PAX5: variants seen among roughly 807,000 people sequenced by gnomAD.
PAX5 encodes the protein paired box protein Pax-5.
In PAX5, 9 loss-of-function variants were observed where a neutral mutation model predicts 43.7. That is an observed-to-expected ratio of 0.21 (90% CI 0.12 to 0.36). The LOEUF is 0.36. Ranked by LOEUF, PAX5 falls within the 10% of genes least tolerant of loss-of-function variation. The pLI is 1.00. For synonymous variants in PAX5, 228 were observed against 214.3 expected, an observed-to-expected ratio of 1.06 and a Z score of -0.56; for missense variants, 383 against 532.7, an observed-to-expected ratio of 0.72 and a Z score of 2.77.
At chr9:36,948,708 C>A (rs1049706284) in intron 6 of PAX5, among the ~76,000 whole-genome samples, 7 of 152,140 alleles carry the variant, frequency 4.6e-5, no homozygotes, top group African/African-American at 1.7e-4. Context: ...CTCCCCAGTG[C>A]AAATGCCCCA....
At chr9:36,971,424 G>A (rs10116048) in intron 5 of PAX5, among the ~76,000 whole-genome samples, 1,613 of 152,280 alleles carry the variant, frequency 0.011, 24 homozygotes, top group African/African-American at 0.035. Context: ...GTAAGCTTCC[G>A]TAGCATTTCT....
intron 6 of PAX5, among the ~76,000 whole-genome samples, chr9:36,930,685 A>G (rs1233908484): frequency 6.6e-6 from 1 of 152,158 alleles, no homozygotes; most frequent in Non-Finnish European, 1.5e-5. Context: ...TCTCATTTTC[A>G]CCATGAGTAA....
intron 7 of PAX5, among the ~76,000 whole-genome samples, chr9:36,919,245 C>T (rs936829908): frequency 6.6e-6 from 1 of 152,008 alleles, no homozygotes; most frequent in Admixed American, 6.6e-5. Context: ...ACCATTGAGA[C>T]CTACTGCTCA....
intron 8 of PAX5, among the ~76,000 whole-genome samples, chr9:36,853,478 G>A (rs568061824): frequency 2.2e-4 from 33 of 152,242 alleles, no homozygotes; most frequent in African/African-American, 7.9e-4. Context: ...TCTGAGGTTA[G>A]CACTGACAGC....
intron 1 of PAX5, chr9:37,026,870 T>C (rs961528505): frequency 2.0e-5 from 6 of 294,552 alleles, no homozygotes; most frequent in Admixed American, 1.3e-4. Context: ...CCGGGGTAGC[T>C]GCGGCCAAGG....
intron 8 of PAX5, among the ~76,000 whole-genome samples, chr9:36,848,027 G>A (rs1462335304): frequency 6.6e-6 from 1 of 152,158 alleles, no homozygotes; most frequent in Non-Finnish European, 1.5e-5. Flanking sequence ...GGCTGCTGCT[G>A]GGTACAGAGC....
intron 8 of PAX5, among the ~76,000 whole-genome samples, chr9:36,865,398 C>T (rs559147771): frequency 4.6e-5 from 7 of 152,282 alleles, no homozygotes; most frequent in Non-Finnish European, 1.0e-4. Flanking sequence ...GTAGCATGGG[C>T]GATTCTCCTA....
chr9:36,956,034 G>A (rs12351115), intron 6 of PAX5, among the ~76,000 whole-genome samples: 15,922 of 152,180 alleles, frequency 0.1, 1,083 homozygotes, highest in African/African-American at 0.19. Context: ...CAAACAAGGT[G>A]TAAGACCAAA....
intron 8 of PAX5, among the ~76,000 whole-genome samples, chr9:36,864,832 G>A (rs935224680): frequency 5.9e-5 from 9 of 152,178 alleles, no homozygotes; most frequent in Non-Finnish European, 7.3e-5. Context: ...GTGGGCCGGC[G>A]CCGGAGCCGG....
chr9:37,020,940 C>T lies in PAX5; in HGVS notation c.47-139G>A, dbSNP rs1839798669. On this transcript the variant is annotated intron_variant, in intron 1 of 9. Coordinates refer to ENST00000358127, the MANE Select transcript of PAX5 (RefSeq NM_016734.3). The stretch of plus-strand genomic sequence containing the variant: ...GGATGTCTCGCGCCTGGAGTCCAAT[C>T]GTGCAAACTACACGAAGTCCCCAGA... The T allele has an allele frequency of 1.3e-5, 10 of 778,966 alleles. No homozygotes were observed. In the South Asian group the frequency reaches 1.5e-4, roughly 12 times the overall value. The allele number at this position is 778,966 out of a possible 1,614,324, so 48.3% of individuals were successfully genotyped here. A position where few individuals can be genotyped will look rare whatever the true frequency, so the allele number is the denominator to read the frequency against.
intron 6 of PAX5, among the ~76,000 whole-genome samples, chr9:36,939,775 G>A (rs74509465): frequency 6.6e-6 from 1 of 152,068 alleles, no homozygotes; most frequent in Non-Finnish European, 1.5e-5. Context: ...CAAAAAAAAA[G>A]AGGGAGAGAG....
chr9:36,864,822 G>A (rs774299790), intron 8 of PAX5, among the ~76,000 whole-genome samples: 7 of 152,226 alleles, frequency 4.6e-5, no homozygotes, highest in Non-Finnish European at 8.8e-5. Context: ...AGTGAGGAGG[G>A]TGGGCCGGCG....
intron 5 of PAX5, among the ~76,000 whole-genome samples, chr9:36,970,496 A>C (rs1834843585): frequency 6.6e-6 from 1 of 152,094 alleles, no homozygotes. Context: ...CTGGGGAAAC[A>C]TGTGCCCTCC....
At chr9:36,920,656 G>A (rs1283416598) in intron 7 of PAX5, among the ~76,000 whole-genome samples, 1 of 152,038 alleles carries the variant, frequency 6.6e-6, no homozygotes, top group Admixed American at 6.6e-5. Context: ...TGGAATATTG[G>A]CTTTATATTT....
intron 1 of PAX5, among the ~76,000 whole-genome samples, chr9:37,030,485 C>G (rs1418001232): frequency 2.0e-5 from 3 of 152,234 alleles, no homozygotes; most frequent in African/African-American, 7.2e-5. Flanking sequence ...ACTAGCAGCT[C>G]TCACCGCGGC....
At chr9:36,847,061 A>C (rs142733008) in intron 8 of PAX5, 132 bp from the exon 9 acceptor site, 1 of 624,944 alleles carries the variant, frequency 1.6e-6, no homozygotes, top group East Asian at 2.8e-5. Flanking sequence ...TTTTGTAACC[A>C]ACAAAAGCAA....
chr9:36,974,569 T>A (rs1222924674), intron 5 of PAX5, among the ~76,000 whole-genome samples: 2 of 152,148 alleles, frequency 1.3e-5, no homozygotes, highest in African/African-American at 4.8e-5. Context: ...TATCTGCAGA[T>A]TCAGCACTCA....
chr9:36,865,966 G>A (rs965920648), intron 8 of PAX5, among the ~76,000 whole-genome samples: 5 of 152,234 alleles, frequency 3.3e-5, no homozygotes, highest in African/African-American at 4.8e-5. Flanking sequence ...AGGTGGGGTG[G>A]ATCTGCATCC....
intron 5 of PAX5, among the ~76,000 whole-genome samples, chr9:36,984,596 ACG>A (rs1836239646): frequency 6.6e-6 from 1 of 151,494 alleles, no homozygotes; most frequent in South Asian, 2.1e-4. Flanking sequence ...GCACACAACC[ACG>A]CCAGGCTAAT....
Sources: allele counts gnomAD v4.1 joint callset (sites outside exome capture counted in the v4.1 genomes callset), GRCh38; gene constraint gnomAD v4.1.1; transcripts MANE v1.5; gene names NCBI Gene and HGNC (gene_info 2026-07-23, HGNC 2026-07-21).